The following SETBP1 variants were observed in gnomAD, a reference collection of about 807,000 sequenced individuals.
SETBP1 encodes SET-binding protein.
A neutral mutation model predicts 101.0 loss-of-function variants in SETBP1; 9 were observed. The observed-to-expected ratio is 0.09, with a 90% CI of 0.05 to 0.16. The LOEUF is 0.16. SETBP1 is among the 10% of genes least tolerant of loss of function. SETBP1 has a pLI of 1.00. For synonymous variants in SETBP1, 818 were observed against 788.5 expected (o/e 1.04, Z -0.63); for missense variants, 1,858 against 2,033.8 (o/e 0.91, Z 1.66).
At chr18:44,838,049 C>T (rs2072534225) in intron 2 of SETBP1, among the ~76,000 whole-genome samples, 3 of 152,116 alleles carry the variant, frequency 2.0e-5, no homozygotes, top group African/African-American at 7.2e-5. Flanking sequence ...GTGGAGTCTC[C>T]CTCCTCCTTT....
intron 2 of SETBP1, among the ~76,000 whole-genome samples, chr18:44,824,668 A>G (rs1163381387): frequency 6.6e-6 from 1 of 152,222 alleles, no homozygotes; most frequent in Admixed American, 6.5e-5. Flanking sequence ...TTTCTAAATG[A>G]CAAGTTACAA....
intron 2 of SETBP1, among the ~76,000 whole-genome samples, chr18:44,770,316 C>T (rs2070845807): frequency 6.6e-6 from 1 of 152,180 alleles, no homozygotes; most frequent in African/African-American, 2.4e-5. Context: ...GAAAACAGCA[C>T]CTCCTTGGTT....
intron 2 of SETBP1, among the ~76,000 whole-genome samples, chr18:44,796,998 C>T (rs778274855): frequency 6.6e-6 from 1 of 152,168 alleles, no homozygotes; most frequent in Non-Finnish European, 1.5e-5. Flanking sequence ...CAGGAATGCA[C>T]TTGCTCAATA....
intron 2 of SETBP1, among the ~76,000 whole-genome samples, chr18:44,779,548 C>T (rs2071080631): frequency 6.6e-6 from 1 of 151,986 alleles, no homozygotes; most frequent in East Asian, 1.9e-4. Flanking sequence ...CGTGGTTACA[C>T]TGGGGACAAA....
At chr18:44,876,314 T>A (rs906683002) in intron 3 of SETBP1, among the ~76,000 whole-genome samples, 3 of 152,130 alleles carry the variant, frequency 2.0e-5, no homozygotes, top group African/African-American at 4.8e-5. Flanking sequence ...TATAAGGAAA[T>A]CCTGCAGCTG....
intron 2 of SETBP1, among the ~76,000 whole-genome samples, chr18:44,779,777 G>T (rs1361919318): frequency 6.6e-6 from 1 of 152,052 alleles, no homozygotes; most frequent in African/African-American, 2.4e-5. Context: ...TCCTTTTCTA[G>T]CTTCTTACCC....
chr18:44,899,916 A>G (rs2144824511), intron 3 of SETBP1, among the ~76,000 whole-genome samples: 1 of 152,322 alleles, frequency 6.6e-6, no homozygotes, highest in African/African-American at 2.4e-5. Context: ...TTTTTCTATA[A>G]TAGGCTGAAC....
In SETBP1 at chr18:45,008,165, G is replaced by A. The variant is rs539445665; in HGVS notation, c.4001-30320G>A. On this transcript the variant is annotated intron_variant, in intron 4 of 5. Coordinates refer to ENST00000649279, the MANE Select transcript of SETBP1 (RefSeq NM_015559.3). ...TTTGATTTGCCCCCTTTTTCTTGTG[G>A]TATGAGCAGCAGAAACCCAGTTCTA... is the stretch of plus-strand genomic sequence containing the variant. 3.3e-5 allele frequency among the ~76,000 whole-genome samples: 5 copies of A among 152,252 alleles called. 1 individual carries two copies. Among genetic ancestry groups the A allele is most frequent in the African/African-American group, 1.2e-4 (5 of 41,554 alleles).
intron 2 of SETBP1, among the ~76,000 whole-genome samples, chr18:44,786,877 C>T (rs1036411379): frequency 6.6e-6 from 1 of 152,154 alleles, no homozygotes; most frequent in East Asian, 1.9e-4. Context: ...GAAATGTGAT[C>T]GTCTCCATCA....
chr18:44,796,233 T>C (rs982932435), intron 2 of SETBP1, among the ~76,000 whole-genome samples: 1 of 152,250 alleles, frequency 6.6e-6, no homozygotes, highest in African/African-American at 2.4e-5. Context: ...CAATATTTTA[T>C]GTATTGAATT....
chr18:44,787,545 G>A (rs1409627404), intron 2 of SETBP1, among the ~76,000 whole-genome samples: 1 of 152,180 alleles, frequency 6.6e-6, no homozygotes, highest in Non-Finnish European at 1.5e-5. Flanking sequence ...CAGTACTGTA[G>A]TAGTTGGTCA....
intron 3 of SETBP1, among the ~76,000 whole-genome samples, chr18:44,899,810 T>C (rs2069998563): frequency 1.3e-5 from 2 of 152,226 alleles, no homozygotes; most frequent in African/African-American, 4.8e-5. Flanking sequence ...GATGACAAAA[T>C]ACAAAAATAT....
chr18:44,720,509 G>A (rs935565088), intron 2 of SETBP1, among the ~76,000 whole-genome samples: 1 of 152,226 alleles, frequency 6.6e-6, no homozygotes. Flanking sequence ...GGGCACTTGA[G>A]CAGGTGACAG....
intron 2 of SETBP1, among the ~76,000 whole-genome samples, chr18:44,757,028 T>A (rs1036261467): frequency 2.0e-4 from 31 of 152,366 alleles, no homozygotes; most frequent in African/African-American, 6.5e-4. Context: ...TTTAGCATTT[T>A]AAATTCTTTT....
At position 44,950,771 on chromosome 18, in the gene SETBP1, A is replaced by G; in HGVS notation, c.1431A>G (p.Ser477=). The change falls in exon 4 of 6, where the codon TCA becomes TCG. Residue 477 remains serine (S), a synonymous_variant. Coordinates refer to ENST00000649279, the MANE Select transcript of SETBP1 (RefSeq NM_015559.3). ...LSKMIENESP[S]VGLETGGNAE... is the part of the protein sequence containing the mutation. ...AAATGATAGAGAATGAGTCCCCCTC[A>G]GTTGGCCTTGAAACTGGTGGAAATG... 6.2e-7 allele frequency: 1 copy of G among 1,614,176 alleles called. No individual in the cohort carries two copies.
chr18:44,684,642 A>T lies in SETBP1; in HGVS notation c.-173+3621A>T, dbSNP rs900788537. ...CCATCTAAGGTTGAAGAACCATTAA[A>T]TAATTAATTAATTAATTTTTTGTGA... On this transcript the variant is annotated intron_variant, in intron 1 of 5. Coordinates refer to ENST00000649279, the MANE Select transcript of SETBP1 (RefSeq NM_015559.3). 4.6e-5 allele frequency among the ~76,000 whole-genome samples: 7 copies of T among 151,628 alleles called. No individual in the cohort carries two copies. In the South Asian group the frequency reaches 1.5e-3, roughly 32 times the overall value.
chr18:44,829,047 A>G (rs1406041269), intron 2 of SETBP1, among the ~76,000 whole-genome samples: 1 of 152,250 alleles, frequency 6.6e-6, no homozygotes, highest in African/African-American at 2.4e-5. Context: ...TTCTGGTTAC[A>G]TCTACCAGAT....
At chr18:44,813,035 G>A (rs1274561744) in intron 2 of SETBP1, among the ~76,000 whole-genome samples, 3 of 151,806 alleles carry the variant, frequency 2.0e-5, no homozygotes, top group Middle Eastern at 3.2e-3. Flanking sequence ...GAACAGAGAG[G>A]ATACAGGATG....
At chr18:44,835,245 G>A (rs1304828285) in intron 2 of SETBP1, among the ~76,000 whole-genome samples, 5 of 152,080 alleles carry the variant, frequency 3.3e-5, no homozygotes, top group Non-Finnish European at 7.4e-5. Context: ...CCAAGGGAGG[G>A]GCTCTACAGC....
Sources: gnomAD v4.1 joint callset for allele counts (sites outside exome capture counted in the v4.1 genomes callset) on GRCh38, gnomAD v4.1.1 for gene constraint, MANE v1.5 for transcripts, NCBI Gene and HGNC (gene_info 2026-07-23, HGNC 2026-07-21) for gene names.